Variants in UNC13C observed in about 807,000 individuals in gnomAD.
The protein encoded by UNC13C is unc-13 homolog C.
Under a neutral mutation model 245.4 loss-of-function variants are expected in UNC13C, and 174 were observed. That is an observed-to-expected ratio of 0.71 (90% CI 0.63 to 0.80). UNC13C has a LOEUF of 0.80. Ranked by LOEUF, UNC13C falls within the 30% of genes least tolerant of loss-of-function variation. UNC13C has a pLI of 0.00. For synonymous variants in UNC13C, 992 were observed against 895.1 expected, an observed-to-expected ratio of 1.11 and a Z score of -1.93; for missense variants, 2,829 against 2,602.9, an observed-to-expected ratio of 1.09 and a Z score of -1.89.
chr15:54,115,374 C>G (rs887523968), intron 2 of UNC13C, among the ~76,000 whole-genome samples: 14 of 152,208 alleles, frequency 9.2e-5, no homozygotes, highest in Admixed American at 8.5e-4. Flanking sequence ...GCATCCTTCA[C>G]TGTGGTTTTG....
At chr15:54,572,760 G>A (rs1022090400) in intron 30 of UNC13C, among the ~76,000 whole-genome samples, 1 of 151,956 alleles carries the variant, frequency 6.6e-6, no homozygotes, top group African/African-American at 2.4e-5. Flanking sequence ...TTCTGTGGGG[G>A]AAATTACTGT....
chr15:54,036,297 G>A (rs1264168765), intron 2 of UNC13C, among the ~76,000 whole-genome samples: 1 of 152,182 alleles, frequency 6.6e-6, no homozygotes, highest in Non-Finnish European at 1.5e-5. Context: ...CTGGGCAGAG[G>A]CCAAGGATGC....
chr15:54,213,581 C>A (rs2034951593), intron 4 of UNC13C, among the ~76,000 whole-genome samples: 1 of 151,950 alleles, frequency 6.6e-6, no homozygotes, highest in Non-Finnish European at 1.5e-5. Flanking sequence ...GGGAAATTAC[C>A]CCTCTGGGTA....
rs751844702 is a variant in UNC13C, at chr15:54,264,256, G to A, written c.3537G>A (p.Glu1179=). The change falls in exon 9 of 33, where the codon GAG becomes GAA. Residue 1179 remains glutamate, a synonymous_variant. Transcript: ENST00000260323. The part of the protein sequence containing the change: ...TAMKERMKIR[E]KNRPEVFEVI... ...TGAAAGAAAGAATGAAGATCAGGGA[G>A]AAAAACCGGCCAGAAGTATTTGAAG... 2.5e-6 allele frequency: 4 copies of A among 1,598,470 alleles called. No homozygotes were observed. In the African/African-American group the frequency reaches 4.0e-5, roughly 16 times the overall value.
At chr15:54,031,306 T>C (rs1896348287) in intron 2 of UNC13C, among the ~76,000 whole-genome samples, 1 of 152,228 alleles carries the variant, frequency 6.6e-6, no homozygotes, top group Non-Finnish European at 1.5e-5. Flanking sequence ...TCACTGCAAG[T>C]TCCGCCTCCC....
intron 4 of UNC13C, among the ~76,000 whole-genome samples, chr15:54,216,452 T>C (rs1350480407): frequency 2.0e-5 from 3 of 151,952 alleles, no homozygotes; most frequent in Admixed American, 1.3e-4. Flanking sequence ...ATGGATATAT[T>C]GTCTTGAAAT....
At chr15:54,566,317 A>G (rs1453284487) in intron 29 of UNC13C, among the ~76,000 whole-genome samples, 1 of 152,110 alleles carries the variant, frequency 6.6e-6, no homozygotes, top group East Asian at 1.9e-4. Context: ...TCATCCATTA[A>G]GGCACCTGAA....
At chr15:54,274,666 A>AATTTTTT (rs1567151983) in intron 10 of UNC13C, among the ~76,000 whole-genome samples, 5 of 78,268 alleles carry the variant, frequency 6.4e-5, no homozygotes, top group South Asian at 4.1e-4. Context: ...AATAAAGTAG[A>AATTTTTT]CTTTTTTTTT....
chr15:54,491,368 C>A (rs1893696102), intron 19 of UNC13C, among the ~76,000 whole-genome samples: 1 of 151,032 alleles, frequency 6.6e-6, no homozygotes, highest in South Asian at 2.1e-4. Flanking sequence ...GAAAAAAAAA[C>A]CTTCATATCA....
chr15:54,244,546 A>G (rs1417411454), intron 7 of UNC13C, among the ~76,000 whole-genome samples: 1 of 152,184 alleles, frequency 6.6e-6, no homozygotes, highest in South Asian at 2.1e-4. Context: ...CATTGAATCT[A>G]TAAATTACTT....
chr15:54,159,204 C>T (rs927580978), intron 4 of UNC13C, among the ~76,000 whole-genome samples: 4 of 152,220 alleles, frequency 2.6e-5, no homozygotes, highest in African/African-American at 9.6e-5. Flanking sequence ...ATTGAGCAGG[C>T]TACAATAGAA....
At chr15:53,884,404 C>T in the UNC13C span, among the ~76,000 whole-genome samples, 432 of 152,284 alleles carry the variant, frequency 2.8e-3, 2 homozygotes, top group African/African-American at 0.01. Context: ...TACTAGCTCA[C>T]TGCGGCCTGA....
At chr15:54,046,051 T>C (rs1897022976) in intron 2 of UNC13C, among the ~76,000 whole-genome samples, 1 of 152,236 alleles carries the variant, frequency 6.6e-6, no homozygotes, top group Non-Finnish European at 1.5e-5. Flanking sequence ...TCAAGTTTGC[T>C]GTTTTTTTAA....
chr15:53,894,163 G>A, the UNC13C span, among the ~76,000 whole-genome samples: 1 of 152,212 alleles, frequency 6.6e-6, no homozygotes, highest in Admixed American at 6.5e-5. Context: ...CCCTCTGTGG[G>A]TTGCACCCAC....
chr15:54,426,046 C>T (rs187033913), intron 19 of UNC13C, among the ~76,000 whole-genome samples: 308 of 151,794 alleles, frequency 2.0e-3, no homozygotes, highest in South Asian at 5.4e-3. Context: ...TCTCCTGCCT[C>T]CCTCTTCCAC....
At chr15:54,048,295 G>A (rs545222337) in intron 2 of UNC13C, among the ~76,000 whole-genome samples, 3 of 152,188 alleles carry the variant, frequency 2.0e-5, no homozygotes, top group South Asian at 2.1e-4. Context: ...GAGACCTTCT[G>A]CATACTGCAA....
chr15:54,409,559 T>C (rs767722064), intron 18 of UNC13C, among the ~76,000 whole-genome samples: 1 of 152,108 alleles, frequency 6.6e-6, no homozygotes, highest in Non-Finnish European at 1.5e-5. Flanking sequence ...GGTCCCAATG[T>C]CTTTTGTTCC....
At chr15:54,040,955 T>G (rs912243450) in intron 2 of UNC13C, among the ~76,000 whole-genome samples, 9 of 152,198 alleles carry the variant, frequency 5.9e-5, no homozygotes, top group Admixed American at 6.5e-5. Context: ...GCATACCCAA[T>G]TCCCCTCACT....
chr15:54,087,153 T>G (rs13380318), intron 2 of UNC13C, among the ~76,000 whole-genome samples: 21,803 of 152,138 alleles, frequency 0.14, 1,653 homozygotes, highest in Middle Eastern at 0.21. Context: ...GTGATGTATT[T>G]TTCTTATTGT....
Sources: allele counts gnomAD v4.1 joint callset (sites outside exome capture counted in the v4.1 genomes callset), GRCh38; gene constraint gnomAD v4.1.1; transcripts MANE v1.5; gene names NCBI Gene and HGNC (gene_info 2026-07-23, HGNC 2026-07-21).